Variants in IGSF21 observed in about 807,000 individuals in gnomAD.
IGSF21 encodes the protein immunoglobulin superfamily member 21.
A neutral mutation model predicts 46.8 loss-of-function variants in IGSF21; 28 were observed. That is an observed-to-expected ratio of 0.60 (90% CI 0.44 to 0.82). The LOEUF (loss-of-function observed/expected upper bound fraction) is 0.82. IGSF21 is among the 40% of genes least tolerant of loss of function. The probability of loss-of-function intolerance (pLI) is 0.00; values close to 1 mark genes in which losing one functional copy is unlikely to be tolerated. For synonymous variants in IGSF21, 284 were observed against 273.6 expected (o/e 1.04, Z -0.38); for missense variants, 624 against 665.5 (o/e 0.94, Z 0.69).
intron 1 of IGSF21, among the ~76,000 whole-genome samples, chr1:18,123,979 T>A (rs577278246): frequency 6.6e-6 from 1 of 152,272 alleles, no homozygotes; most frequent in African/African-American, 2.4e-5. Flanking sequence ...CCTTTCCCAC[T>A]GAAAATGCCA....
intron 1 of IGSF21, among the ~76,000 whole-genome samples, chr1:18,223,615 C>T (rs1318607590): frequency 2.0e-5 from 3 of 152,142 alleles, no homozygotes; most frequent in African/African-American, 2.4e-5. Flanking sequence ...CAGAATGCAT[C>T]GCTTATTGTA....
intron 4 of IGSF21, among the ~76,000 whole-genome samples, chr1:18,340,268 G>C (rs951591428): frequency 1.3e-5 from 2 of 152,092 alleles, no homozygotes; most frequent in African/African-American, 4.8e-5. Flanking sequence ...AGTGCAATAG[G>C]GGAGGCAGAA....
chr1:18,353,352 G>T (rs2085980620), intron 4 of IGSF21, among the ~76,000 whole-genome samples: 1 of 151,878 alleles, frequency 6.6e-6, no homozygotes, highest in African/African-American at 2.4e-5. Context: ...GGCAGGGATT[G>T]GAGGGAAGGA....
At chr1:18,319,547 G>T (rs1430981118) in intron 3 of IGSF21, among the ~76,000 whole-genome samples, 4 of 150,582 alleles carry the variant, frequency 2.7e-5, no homozygotes, top group Non-Finnish European at 4.4e-5. Context: ...TTGGCTCTGA[G>T]CTTCTGCTAC....
intron 4 of IGSF21, among the ~76,000 whole-genome samples, chr1:18,339,768 G>A (rs2085809332): frequency 6.6e-6 from 1 of 152,160 alleles, no homozygotes; most frequent in South Asian, 2.1e-4. Context: ...CAACAACAAC[G>A]AATTCCGATG....
Position 18,311,205 on chromosome 1 carries a change from C to A in IGSF21, c.305+19218C>A, listed in dbSNP as rs563303538. Among the ~76,000 whole-genome samples, 9 of 152,280 alleles carry A rather than the reference C, an allele frequency of 5.9e-5. No individual in the cohort carries two copies. In the East Asian group the frequency reaches 1.7e-3, roughly 29 times the overall value. On this transcript the variant is annotated intron_variant, in intron 3 of 9. Coordinates refer to ENST00000251296, the MANE Select transcript of IGSF21 (RefSeq NM_032880.5). ...GGTGCCCCACATCCTGTGTGTCCCC[C>A]ACTCTTGACCCAGCTGCAAGGATGA...
intron 3 of IGSF21, among the ~76,000 whole-genome samples, chr1:18,321,630 T>C (rs765196915): frequency 8.4e-4 from 128 of 152,342 alleles, no homozygotes; most frequent in Middle Eastern, 6.8e-3. Context: ...AGCCAGAAAG[T>C]GGCTGTGTCC....
chr1:18,148,449 A>C (rs2086490885), intron 1 of IGSF21, among the ~76,000 whole-genome samples: 1 of 152,168 alleles, frequency 6.6e-6, no homozygotes, highest in Non-Finnish European at 1.5e-5. Context: ...TGTCTTTATT[A>C]GCAGCATGAA....
chr1:18,369,103 G>A (rs114885949), intron 6 of IGSF21, among the ~76,000 whole-genome samples: 1,740 of 152,274 alleles, frequency 0.011, 42 homozygotes, highest in African/African-American at 0.038. Flanking sequence ...TGCACACACC[G>A]GGGGATTTGG....
intron 4 of IGSF21, among the ~76,000 whole-genome samples, chr1:18,347,085 G>A (rs1010968712): frequency 3.3e-5 from 5 of 152,198 alleles, no homozygotes; most frequent in African/African-American, 1.2e-4. Flanking sequence ...GGGTCATCTA[G>A]CAAGAACGGT....
chr1:18,377,418 G>T lies in IGSF21; in HGVS notation c.1320G>T (p.Thr440=), dbSNP rs534179579. Residue 440 remains threonine, a synonymous_variant, in exon 9 of 10, where the codon ACG becomes ACT. Coordinates refer to ENST00000251296, the MANE Select transcript of IGSF21 (RefSeq NM_032880.5). ...AAAACCCAAATATCCCAAGAGGAAC[G>T]GAGGACTCTAATGGTAAGTCTCTAC... is the stretch of plus-strand genomic sequence containing the variant. ...VFENPNIPRG[T]EDSNGSIGPT... 1 of 1,613,418 alleles carries T rather than the reference G, an allele frequency of 6.2e-7. No individual in the cohort carries two copies. The highest frequency in any genetic ancestry group is 8.5e-7 in the Non-Finnish European group (1 of 1,179,476).
chr1:18,123,498 T>C (rs965624752), intron 1 of IGSF21, among the ~76,000 whole-genome samples: 1 of 152,150 alleles, frequency 6.6e-6, no homozygotes, highest in African/African-American at 2.4e-5. Context: ...TTGGGGCTGA[T>C]AGGCAGGCAA....
intron 6 of IGSF21, among the ~76,000 whole-genome samples, chr1:18,371,361 C>T (rs1037182027): frequency 5.9e-5 from 9 of 152,162 alleles, no homozygotes; most frequent in Middle Eastern, 3.4e-3. Flanking sequence ...CACTTGCAGC[C>T]GGGAGTTTGA....
At chr1:18,309,307 G>A (rs1279309286) in intron 3 of IGSF21, among the ~76,000 whole-genome samples, 1 of 152,138 alleles carries the variant, frequency 6.6e-6, no homozygotes, top group Non-Finnish European at 1.5e-5. Flanking sequence ...CTCGGGTCTA[G>A]GGCTTACTGT....
chr1:18,273,446 C>CTCTTTCT (rs2085066346), intron 2 of IGSF21, among the ~76,000 whole-genome samples: 1 of 79,994 alleles, frequency 1.3e-5, no homozygotes, highest in African/African-American at 6.0e-5. Context: ...TTCTTTCTCA[C>CTCTTTCT]TTTCTTTCTT....
chr1:18,241,216 C>T (rs556377631), intron 2 of IGSF21, among the ~76,000 whole-genome samples: 8 of 152,322 alleles, frequency 5.3e-5, no homozygotes. Flanking sequence ...TCTGTCCATG[C>T]CACACTGCTT....
chr1:18,264,045 C>T (rs754771913), intron 2 of IGSF21, among the ~76,000 whole-genome samples: 42 of 152,042 alleles, frequency 2.8e-4, no homozygotes, highest in Non-Finnish European at 5.1e-4. Context: ...ATTATTAGGG[C>T]CAAAAATAAA....
chr1:18,137,103 G>C (rs2086373990), intron 1 of IGSF21, among the ~76,000 whole-genome samples: 1 of 152,154 alleles, frequency 6.6e-6, no homozygotes, highest in African/African-American at 2.4e-5. Flanking sequence ...ACTGGCATCT[G>C]TTTCTAGGGA....
At position 18,335,916 on chromosome 1, in the gene IGSF21, C is replaced by T. The variant is rs575646380; in HGVS notation, c.424+906C>T. 3.9e-5 allele frequency among the ~76,000 whole-genome samples: 6 copies of T among 152,234 alleles called. No individual in the cohort carries two copies. The South Asian group carries it at 1.2e-3, about 32-fold the overall frequency. Reference sequence around the variant, plus strand: ...AGCCACAATGCAGGAGGTGGCATTGCCAGGAAAAGCCCCTCTCTCGCAGTT... The same window carrying T: ...AGCCACAATGCAGGAGGTGGCATTGTCAGGAAAAGCCCCTCTCTCGCAGTT... On this transcript the variant is annotated intron_variant, in intron 4 of 9. Coordinates refer to ENST00000251296, the MANE Select transcript of IGSF21 (RefSeq NM_032880.5). This position sits in a 1 kb window ranked among gnomAD's most constrained non-coding sequence, Gnocchi z 4.8.
Sources: gnomAD v4.1 joint callset for allele counts (sites outside exome capture counted in the v4.1 genomes callset) on GRCh38, gnomAD v4.1.1 for gene constraint, Gnocchi (gnomAD v3.1) non-coding constraint, MANE v1.5 for transcripts, NCBI Gene and HGNC (gene_info 2026-07-23, HGNC 2026-07-21) for gene names.